The following ABCG5 variants were observed in gnomAD, a reference collection of about 807,000 sequenced individuals.
ABCG5 encodes the protein ATP binding cassette subfamily G member 5.
Under a neutral mutation model 64.5 loss-of-function variants are expected in ABCG5, and 64 were observed. The ratio of observed to expected loss-of-function variants is 0.99; its 90% CI spans 0.81 to 1.22. ABCG5 has a LOEUF of 1.22. Among genes scored for constraint, ABCG5 ranks in the 50% most tolerant of loss-of-function variants. The probability of loss-of-function intolerance (pLI) is 0.00; values close to 1 mark genes in which losing one functional copy is unlikely to be tolerated. For synonymous variants in ABCG5, 385 were observed against 326.3 expected, an observed-to-expected ratio of 1.18 and a Z score of -1.94; for missense variants, 908 against 829.5, an observed-to-expected ratio of 1.09 and a Z score of -1.16.
chr2:43,828,039 A>C lies in ABCG5; in HGVS notation c.578T>G (p.Ile193Ser). 1 of 1,614,110 alleles carries C rather than the reference A, an allele frequency of 6.2e-7. No homozygotes were observed. Among genetic ancestry groups the C allele is most frequent in the Non-Finnish European group, 8.5e-7 (1 of 1,180,042 alleles). Reference sequence around the variant, plus strand: ...GACCCGGCGCCGCTCACCCGTGGAAATGCCCCCCAAGCTGTAGTTGCCAAT... The same window carrying C: ...GACCCGGCGCCGCTCACCCGTGGAACTGCCCCCCAAGCTGTAGTTGCCAAT... ...RLIGNYSLGG[I>S]STGERRRVSI... Residue 193 changes from isoleucine to serine, a missense_variant, in exon 5 of 13, where the codon ATT (isoleucine) becomes AGT (serine). Ile to Ser is a moderately radical substitution (Grantham distance 142). Transcript: ENST00000405322.
chr2:43,834,592 A>G (rs1668146793), intron 2 of ABCG5, among the ~76,000 whole-genome samples: 1 of 152,226 alleles, frequency 6.6e-6, no homozygotes, highest in Non-Finnish European at 1.5e-5. Flanking sequence ...CAGCAAGATG[A>G]CAAAGCTCAT....
At position 43,838,089 on chromosome 2, in the gene ABCG5, T is replaced by G; in HGVS notation, c.144-134A>C. ...CAGGCTCCTAACGTGTTTCAGTCTCTGCGCCCTCCTCTGTAGAACCTGGCA... is the reference window on the plus strand; with the variant it reads ...CAGGCTCCTAACGTGTTTCAGTCTCGGCGCCCTCCTCTGTAGAACCTGGCA... On this transcript the variant is annotated intron_variant, in intron 1 of 12. Transcript: ENST00000405322. The surrounding 1 kb of genome is among the most constrained non-coding windows in gnomAD (Gnocchi z 4.2). 2.5e-6 allele frequency: 3 copies of G among 1,222,778 alleles called. No homozygotes were observed. The South Asian group carries it at 3.9e-5, about 16-fold the overall frequency. 75.7% of individuals were successfully genotyped at this position (1,222,778 alleles called of 1,614,324 possible).
At chr2:43,824,788 A>G in intron 7 of ABCG5, 101 bp downstream of exon 7, 1 of 1,557,246 alleles carries the variant, frequency 6.4e-7, no homozygotes, top group South Asian at 1.2e-5. Flanking sequence ...CAAAAACAAA[A>G]GCAAAAATCA....
chr2:43,822,944 G>A lies in ABCG5; in HGVS notation c.1325-9C>T, dbSNP rs1438624375. ...AGCTCGCAGCACGGGAACTGGGGAT[G>A]GAAGGCAGGTTTCAGAACAGTCAGT... On this transcript the variant is annotated splice_polypyrimidine_tract_variant and intron_variant, in intron 9 of 12. Coordinates refer to ENST00000405322, the MANE Select transcript of ABCG5 (RefSeq NM_022436.3). 2 of 1,613,566 alleles carry A rather than the reference G, an allele frequency of 1.2e-6. No individual in the cohort carries two copies. The highest frequency in any genetic ancestry group is 1.1e-5 in the South Asian group (1 of 90,960).
chr2:43,813,684 T>G (rs1288868331), intron 12 of ABCG5, among the ~76,000 whole-genome samples: 2 of 150,236 alleles, frequency 1.3e-5, no homozygotes, highest in African/African-American at 4.9e-5. Flanking sequence ...GTTTTTTTTT[T>G]GTTTTTTTTG....
In ABCG5 at chr2:43,837,922, A is replaced by C; in HGVS notation, c.177T>G (p.Ser59=). 6.2e-7 allele frequency: 1 copy of C among 1,614,050 alleles called. No homozygotes were observed. Among genetic ancestry groups the C allele is most frequent in the Non-Finnish European group, 8.5e-7 (1 of 1,179,944 alleles). The change falls in exon 2 of 13, where the codon TCT becomes TCG. Residue 59 remains serine (S), a synonymous_variant. Transcript: ENST00000405322. Reference sequence around the variant, plus strand: ...TCTGCCTGGTCCACTGCTGCCGGCAAGATGTGATGTCCCACCAGGGCCTCA... The same window carrying C: ...TCTGCCTGGTCCACTGCTGCCGGCACGATGTGATGTCCCACCAGGGCCTCA... ...HRVRPWWDIT[S]CRQQWTRQIL... is the part of the protein sequence containing the mutation.
At chr2:43,814,706 T>A (rs765651055) in intron 11 of ABCG5, 117 bp from the exon 12 acceptor site, 127 of 631,174 alleles carry the variant, frequency 2.0e-4, no homozygotes, top group Non-Finnish European at 3.0e-4. Flanking sequence ...ATCTCCTTAT[T>A]ATAAAAATGA....
At position 43,838,026 on chromosome 2, in the gene ABCG5, A is replaced by G. The variant is rs940868395; in HGVS notation, c.144-71T>C. ...AAGGGGCCACACCCAGGTCCCCAGC[A>G]TTGATCCTACCTGTGCCCCACCCCA... On this transcript the variant is annotated intron_variant, in intron 1 of 12. Transcript: ENST00000405322. This position sits in a 1 kb window ranked among gnomAD's most constrained non-coding sequence, Gnocchi z 4.2. The G allele has an allele frequency of 6.2e-7, 1 of 1,604,890 alleles. No individual in the cohort carries two copies. The highest frequency in any genetic ancestry group is 8.5e-7 in the Non-Finnish European group (1 of 1,174,168).
chr2:43,833,481 C>T (rs1668075793), intron 2 of ABCG5, among the ~76,000 whole-genome samples: 1 of 151,508 alleles, frequency 6.6e-6, no homozygotes, highest in African/African-American at 2.4e-5. Flanking sequence ...CTCCCAGGTT[C>T]ATGCCATTAT....
In ABCG5 at chr2:43,831,787, G is replaced by T; in HGVS notation, c.483C>A (p.Pro161=). The change falls in exon 4 of 13, where the codon CCC becomes CCA. Residue 161 remains proline, a synonymous_variant. Transcript: ENST00000405322. ...CACCCACCTTCTTCTGGAAGGAGCC[G>T]GGATTGCCGCGGCGGATGGCCAGCA... ...TALLAIRRGN[P]GSFQKKVEAV... The T allele has an allele frequency of 1.3e-6, 2 of 1,585,854 alleles. No individual in the cohort carries two copies.
downstream of ABCG5, chr2:43,810,434 G>A (rs928960719): frequency 1.7e-5 from 17 of 985,310 alleles, no homozygotes; most frequent in Middle Eastern, 5.2e-4. Flanking sequence ...CATGTGTTGC[G>A]GATAACCAGG....
intron 10 of ABCG5, 129 bp downstream of exon 10, chr2:43,822,668 A>G (rs1457731402): frequency 2.6e-6 from 4 of 1,556,444 alleles, no homozygotes; most frequent in Non-Finnish European, 2.6e-6. Context: ...ACATTGCACT[A>G]GACACTGATG....
intron 2 of ABCG5, among the ~76,000 whole-genome samples, chr2:43,834,214 T>A (rs989378259): frequency 5.9e-5 from 9 of 152,342 alleles, no homozygotes; most frequent in African/African-American, 1.9e-4. Context: ...AATTTCCCAG[T>A]CGTGTGGTTC....
chr2:43,806,281 A>G, the ABCG5 span, among the ~76,000 whole-genome samples: 1 of 152,228 alleles, frequency 6.6e-6, no homozygotes, highest in East Asian at 1.9e-4. Context: ...AAACTTATAT[A>G]TGCTAAGCAC....
chr2:43,810,119 G>A (rs899425253), downstream of ABCG5: 1 of 392,532 alleles, frequency 2.5e-6, no homozygotes, highest in East Asian at 1.5e-4. Flanking sequence ...GCAAGGTTAA[G>A]TGCCCACGTT....
intron 4 of ABCG5, 71 bp downstream of exon 4, chr2:43,831,698 C>T (rs1380859868): frequency 2.8e-6 from 4 of 1,424,262 alleles, no homozygotes; most frequent in Non-Finnish European, 3.8e-6. Context: ...CAAGCGTAGG[C>T]GAAGAGAGGA....
At chr2:43,809,650 C>A, downstream of ABCG5, 1 of 1,296,848 alleles carries the variant, frequency 7.7e-7, no homozygotes, top group Admixed American at 1.9e-5. Context: ...TTTAAGGTGC[C>A]TCCTTGAATT....
chr2:43,828,373 T>A (rs762517500), intron 4 of ABCG5: 47 of 492,742 alleles, frequency 9.5e-5, no homozygotes, highest in Non-Finnish European at 1.7e-4. Flanking sequence ...CAGTGGCTCA[T>A]GCCTGTAATC....
chr2:43,836,909 T>C (rs549924664), intron 2 of ABCG5, among the ~76,000 whole-genome samples: 16 of 152,100 alleles, frequency 1.1e-4, no homozygotes, highest in African/African-American at 3.1e-4. Context: ...GACATGGTGG[T>C]GTGCACCTGT....
Sources: gnomAD v4.1 joint callset for allele counts (sites outside exome capture counted in the v4.1 genomes callset) on GRCh38, gnomAD v4.1.1 for gene constraint, Gnocchi (gnomAD v3.1) non-coding constraint, MANE v1.5 for transcripts, NCBI Gene and HGNC (gene_info 2026-07-23, HGNC 2026-07-21) for gene names.